PCTP: variants seen among roughly 807,000 people sequenced by gnomAD.
PCTP encodes phosphatidylcholine transfer protein.
A neutral mutation model predicts 31.0 loss-of-function variants in PCTP; 27 were observed. The ratio of observed to expected loss-of-function variants is 0.87; its 90% CI spans 0.64 to 1.20. PCTP has a LOEUF of 1.20. PCTP is among the 50% of genes most tolerant of loss of function. PCTP has a pLI of 0.00. For synonymous variants in PCTP, 108 were observed against 101.2 expected, an observed-to-expected ratio of 1.07 and a Z score of -0.40; for missense variants, 287 against 268.2, an observed-to-expected ratio of 1.07 and a Z score of -0.49.
rs1467229588 is a variant in PCTP at position 55,771,141 on chromosome 17, G to T, written c.295G>T (p.Val99Phe). 2 of 1,613,546 alleles carry T rather than the reference G, an allele frequency of 1.2e-6. No individual in the cohort carries two copies. The highest frequency in any genetic ancestry group is 2.2e-5 in the South Asian group (2 of 91,058). The stretch of plus-strand genomic sequence containing the variant: ...ACAAGAATGCAACGGAGAGACTGTG[G>T]TCTACTGGGAAGTGAAGTACCCTTT... ...YEQECNGETV[V>F]YWEVKYPFPM... The change falls in exon 3 of 6, where the codon GTC (valine) becomes TTC (phenylalanine). Residue 99 changes from valine (V) to phenylalanine (F), a missense_variant. Physicochemically the swap from Val to Phe is conservative, Grantham distance 50. Transcript: ENST00000268896.
chr17:55,751,562 C>A, intron 1 of PCTP: 2 of 1,298,528 alleles, frequency 1.5e-6, no homozygotes, highest in Non-Finnish European at 2.0e-6. Context: ...CACACGTCTG[C>A]AAGGGACGTT....
downstream of PCTP, among the ~76,000 whole-genome samples, chr17:55,778,731 T>G (rs1312963059): frequency 6.6e-6 from 1 of 152,190 alleles, no homozygotes; most frequent in Non-Finnish European, 1.5e-5. Context: ...TAGTATAATG[T>G]TAGAGAAATG....
At chr17:55,775,003 C>A in intron 5 of PCTP, 144 bp downstream of exon 5, 1 of 967,036 alleles carries the variant, frequency 1.0e-6, no homozygotes. Flanking sequence ...GGTTGAGTGA[C>A]TCTGGTTAGG....
intron 3 of PCTP, among the ~76,000 whole-genome samples, chr17:55,817,127 G>GA (rs1284430675): frequency 2.6e-5 from 4 of 152,056 alleles, no homozygotes; most frequent in Admixed American, 6.6e-5. Flanking sequence ...GAAAACCCAG[G>GA]AAAAAAATAC....
At chr17:55,819,773 A>G (rs1913053550) in intron 3 of PCTP, among the ~76,000 whole-genome samples, 2 of 152,164 alleles carry the variant, frequency 1.3e-5, no homozygotes, top group Admixed American at 6.5e-5. Flanking sequence ...ATAACTTGCT[A>G]CAAATCTACA....
intron 1 of PCTP, among the ~76,000 whole-genome samples, chr17:55,762,287 G>A (rs1910380279): frequency 6.6e-6 from 1 of 152,112 alleles, no homozygotes; most frequent in African/African-American, 2.4e-5. Context: ...GATCAGTGGG[G>A]GTGGGCAGCT....
chr17:55,774,892 A>AGGGT, intron 5 of PCTP, 33 bp downstream of exon 5: 1 of 363,004 alleles, frequency 2.8e-6, no homozygotes, highest in Non-Finnish European at 5.3e-6. Flanking sequence ...GGGGGGAGGG[A>AGGGT]TGGGGGAGTG....
intron 3 of PCTP, among the ~76,000 whole-genome samples, chr17:55,822,136 A>C (rs78580870): frequency 0.013 from 1,923 of 152,324 alleles, 20 homozygotes; most frequent in East Asian, 0.049. Flanking sequence ...AGTTCCAAGA[A>C]ACAAAACGTG....
chr17:55,760,126 C>G (rs1910260152), intron 1 of PCTP, among the ~76,000 whole-genome samples: 1 of 152,078 alleles, frequency 6.6e-6, no homozygotes, highest in Non-Finnish European at 1.5e-5. Context: ...CCATGCATTC[C>G]CCTGTCTCCA....
chr17:55,762,358 A>C (rs867222001), intron 1 of PCTP, among the ~76,000 whole-genome samples: 1 of 152,150 alleles, frequency 6.6e-6, no homozygotes, highest in Non-Finnish European at 1.5e-5. Context: ...TGGCCTTGTC[A>C]TAGGTAAACG....
chr17:55,784,444 GTAA>G (rs909756432), intron 2 of PCTP, among the ~76,000 whole-genome samples: 1 of 151,980 alleles, frequency 6.6e-6, no homozygotes, highest in African/African-American at 2.4e-5. Context: ...CAATTGCAGT[GTAA>G]TAATAATAAC....
chr17:55,814,421 C>G (rs144276861), intron 3 of PCTP, among the ~76,000 whole-genome samples: 1 of 152,346 alleles, frequency 6.6e-6, no homozygotes, highest in East Asian at 1.9e-4. Context: ...AACAGCTCTG[C>G]CCTCCGGAGG....
downstream of PCTP, among the ~76,000 whole-genome samples, chr17:55,778,951 C>T (rs1911463785): frequency 6.6e-6 from 1 of 152,146 alleles, no homozygotes; most frequent in African/African-American, 2.4e-5. Context: ...AGCAAGAGTC[C>T]TGGCCTGACT....
chr17:55,809,523 CTT>C (rs1433337764), intron 3 of PCTP, among the ~76,000 whole-genome samples: 44 of 128,624 alleles, frequency 3.4e-4, no homozygotes, highest in Admixed American at 4.5e-4. Flanking sequence ...TTCTCAGAGT[CTT>C]TTTTTTTTTT....
At chr17:55,764,777 G>A (rs1396700647) in intron 1 of PCTP, among the ~76,000 whole-genome samples, 1 of 152,158 alleles carries the variant, frequency 6.6e-6, no homozygotes, top group South Asian at 2.1e-4. Context: ...TTTACAGAGA[G>A]GGCTTCATTC....
chr17:55,767,443 T>C lies in PCTP; in HGVS notation c.250T>C (p.Tyr84His). 3.1e-6 allele frequency: 5 copies of C among 1,597,308 alleles called. No individual in the cohort carries two copies. Among genetic ancestry groups the C allele is most frequent in the Non-Finnish European group, 4.3e-6 (5 of 1,167,058 alleles). Reference protein sequence around the residue: ...DSDYRKQWDQYVKELYEQECN... With the variant: ...DSDYRKQWDQHVKELYEQECN... ...AGATTACAGAAAACAATGGGACCAGTATGTTAAAGGTGAGTGATGCTTGCT... is the reference window on the plus strand; with the variant it reads ...AGATTACAGAAAACAATGGGACCAGCATGTTAAAGGTGAGTGATGCTTGCT... Residue 84 changes from tyrosine to histidine, a missense_variant, in exon 2 of 6, where the codon TAT (tyrosine) becomes CAT (histidine). Transcript: ENST00000268896.
chr17:55,810,628 C>T (rs1912721489), intron 3 of PCTP, among the ~76,000 whole-genome samples: 1 of 152,210 alleles, frequency 6.6e-6, no homozygotes, highest in South Asian at 2.1e-4. Context: ...TCACTGTTTA[C>T]CCATATCCAG....
intron 3 of PCTP, among the ~76,000 whole-genome samples, chr17:55,797,245 T>C (rs1912216396): frequency 6.6e-6 from 1 of 152,044 alleles, no homozygotes; most frequent in African/African-American, 2.4e-5. Context: ...TTTTTAAAAA[T>C]GTGCTTTAAA....
At chr17:55,826,141 T>C (rs922505712), downstream of PCTP, among the ~76,000 whole-genome samples, 1 of 152,212 alleles carries the variant, frequency 6.6e-6, no homozygotes, top group African/African-American at 2.4e-5. Flanking sequence ...AGGAGTTTTT[T>C]TGTGGCTTGG....
Sources: gnomAD v4.1 joint callset for allele counts (sites outside exome capture counted in the v4.1 genomes callset) on GRCh38, gnomAD v4.1.1 for gene constraint, MANE v1.5 for transcripts, NCBI Gene and HGNC (gene_info 2026-07-23, HGNC 2026-07-21) for gene names.